PAMR1: variants seen among roughly 807,000 people sequenced by gnomAD.
The protein encoded by PAMR1 is inactive serine protease PAMR1.
PAMR1 carries 88 observed loss-of-function variants against 81.8 expected under a neutral mutation model. The ratio of observed to expected loss-of-function variants is 1.08; its 90% CI spans 0.91 to 1.28. The LOEUF is 1.28. Among genes scored for constraint, PAMR1 ranks in the 50% most tolerant of loss-of-function variants. The pLI, the probability that PAMR1 is intolerant of heterozygous loss-of-function variation, is 0.00. For missense variants in PAMR1, 935 were observed against 919.7 expected, an observed-to-expected ratio of 1.02 and a Z score of -0.21; for synonymous variants, 336 against 345.3, an observed-to-expected ratio of 0.97 and a Z score of 0.30.
intron 1 of PAMR1, among the ~76,000 whole-genome samples, chr11:35,521,560 C>G (rs1034441318): frequency 6.6e-6 from 1 of 152,162 alleles, no homozygotes; most frequent in African/African-American, 2.4e-5. Context: ...ATTCTGCAGG[C>G]CTTTTGGCTC....
In PAMR1 at chr11:35,452,168, T is replaced by C. The variant is rs115864143; in HGVS notation, c.821-10475A>G. On this transcript the variant is annotated intron_variant, in intron 6 of 10. Transcript: ENST00000619888. ...AGATTGAGCAGAAGACTGGAAACCT[T>C]AAAAAAATAAACAAAGGAAACACAT... Among the ~76,000 whole-genome samples, 693 of 152,076 alleles carry C rather than the reference T, an allele frequency of 4.6e-3. 6 individuals are homozygous for C. Among genetic ancestry groups the C allele is most frequent in the African/African-American group, 0.016 (675 of 41,482 alleles).
At chr11:35,508,086 T>C (rs1211441827) in intron 1 of PAMR1, among the ~76,000 whole-genome samples, 2 of 152,230 alleles carry the variant, frequency 1.3e-5, no homozygotes, top group Non-Finnish European at 2.9e-5. Context: ...ATGGTAGTCC[T>C]TTCTTTCTCT....
At chr11:35,523,105 C>T (rs759284821) in intron 1 of PAMR1, among the ~76,000 whole-genome samples, 17 of 152,142 alleles carry the variant, frequency 1.1e-4, no homozygotes, top group Non-Finnish European at 1.9e-4. Context: ...CGCAAAAATC[C>T]ACCCGTGCCA....
chr11:35,506,600 T>A (rs1232113768), intron 1 of PAMR1, among the ~76,000 whole-genome samples: 1 of 152,026 alleles, frequency 6.6e-6, no homozygotes, highest in Non-Finnish European at 1.5e-5. Context: ...GGGTTTGTTT[T>A]TTTTTCAGCA....
At chr11:35,517,292 G>A (rs1851183222) in intron 1 of PAMR1, among the ~76,000 whole-genome samples, 1 of 152,190 alleles carries the variant, frequency 6.6e-6, no homozygotes, top group East Asian at 1.9e-4. Context: ...ATCATCTCAT[G>A]GCCCTTTCAA....
chr11:35,446,673 A>G (rs1484893256), intron 6 of PAMR1, among the ~76,000 whole-genome samples: 5 of 152,176 alleles, frequency 3.3e-5, no homozygotes, highest in African/African-American at 4.8e-5. Flanking sequence ...CTTGCATTCT[A>G]ATTTAATTGT....
At chr11:35,490,613 C>T (rs530712977) in intron 3 of PAMR1, among the ~76,000 whole-genome samples, 6 of 152,060 alleles carry the variant, frequency 3.9e-5, no homozygotes, top group Admixed American at 6.5e-5. Context: ...ATAGTAGGAC[C>T]CCATCTCGGA....
intron 6 of PAMR1, among the ~76,000 whole-genome samples, chr11:35,455,884 T>C (rs1856518212): frequency 1.3e-5 from 2 of 150,828 alleles, no homozygotes; most frequent in South Asian, 4.2e-4. Context: ...TCTCTCTAGC[T>C]TCACTTAAAC....
At chr11:35,473,754 G>A (rs1162399264) in intron 4 of PAMR1, among the ~76,000 whole-genome samples, 1 of 152,148 alleles carries the variant, frequency 6.6e-6, no homozygotes, top group East Asian at 1.9e-4. Context: ...TGTCCATTTA[G>A]CCACCCAGAA....
chr11:35,502,130 A>C (rs1850858761), intron 1 of PAMR1, among the ~76,000 whole-genome samples: 1 of 152,088 alleles, frequency 6.6e-6, no homozygotes, highest in African/African-American at 2.4e-5. Flanking sequence ...GGTTGAGATG[A>C]TATCTCATGG....
At chr11:35,491,351 T>C (rs1046877324) in intron 3 of PAMR1, among the ~76,000 whole-genome samples, 2 of 152,212 alleles carry the variant, frequency 1.3e-5, no homozygotes, top group Non-Finnish European at 1.5e-5. Flanking sequence ...AAAATTAGAC[T>C]GCAAGACCAT....
chr11:35,474,859 G>A (rs886136426), intron 3 of PAMR1, 115 bp from the exon 4 acceptor site: 15 of 655,718 alleles, frequency 2.3e-5, no homozygotes, highest in African/African-American at 3.8e-5. Flanking sequence ...AGGATGAATA[G>A]GGAAAAGGAA....
intron 6 of PAMR1, among the ~76,000 whole-genome samples, chr11:35,460,947 T>C (rs1383923709): frequency 6.6e-6 from 1 of 152,226 alleles, no homozygotes; most frequent in African/African-American, 2.4e-5. Context: ...AAAGTGTTCC[T>C]ATTTCTCCAC....
At chr11:35,510,963 T>C (rs1217328832) in intron 1 of PAMR1, among the ~76,000 whole-genome samples, 1 of 152,268 alleles carries the variant, frequency 6.6e-6, no homozygotes, top group East Asian at 1.9e-4. Context: ...AGTCCAGTTA[T>C]ATTAGTCCAG....
At chr11:35,521,446 A>C (rs1044958580) in intron 1 of PAMR1, among the ~76,000 whole-genome samples, 1 of 152,122 alleles carries the variant, frequency 6.6e-6, no homozygotes, top group African/African-American at 2.4e-5. Flanking sequence ...CAGGTATTAA[A>C]CATATGGGTT....
At chr11:35,437,485 T>G (rs599773) in intron 8 of PAMR1, among the ~76,000 whole-genome samples, 42,632 of 152,060 alleles carry the variant, frequency 0.28, 6,089 homozygotes, top group Admixed American at 0.33. Flanking sequence ...CTTTAGCTCA[T>G]GTTTATAATG....
At chr11:35,517,250 A>G (rs570962136) in intron 1 of PAMR1, among the ~76,000 whole-genome samples, 1 of 152,342 alleles carries the variant, frequency 6.6e-6, no homozygotes, top group African/African-American at 2.4e-5. Flanking sequence ...TAGTGCTGGC[A>G]AGAACCTTTC....
chr11:35,447,039 G>A (rs1031815944), intron 6 of PAMR1, among the ~76,000 whole-genome samples: 1 of 152,066 alleles, frequency 6.6e-6, no homozygotes. Flanking sequence ...TATATGTTTA[G>A]GATAGTAAGC....
chr11:35,470,697 G>A lies in PAMR1; in HGVS notation c.616C>T (p.Pro206Ser), dbSNP rs776158200. The A allele has an allele frequency of 1.2e-6, 2 of 1,614,170 alleles. No homozygotes were observed. The highest frequency in any genetic ancestry group is 2.2e-5 in the East Asian group (1 of 44,880). The stretch of plus-strand genomic sequence containing the variant: ...AGTGAGGATCCTATGCTCTGGATAG[G>A]AGCTGGCCGCTCGTTGCCACAGACA... ...KRVCGNERPA[P>S]IQSIGSSLHV... is the part of the protein sequence containing the mutation. Residue 206 changes from proline (P) to serine (S), a missense_variant, in exon 5 of 11, where the codon CCT becomes TCT. Coordinates refer to ENST00000619888, the MANE Select transcript of PAMR1 (RefSeq NM_001001991.3).
Sources: allele counts gnomAD v4.1 joint callset (sites outside exome capture counted in the v4.1 genomes callset), GRCh38; gene constraint gnomAD v4.1.1; transcripts MANE v1.5; gene names NCBI Gene and HGNC (gene_info 2026-07-23, HGNC 2026-07-21).